The following NCALD variants were observed in gnomAD, a reference collection of about 807,000 sequenced individuals.
NCALD encodes neurocalcin delta.
Under a neutral mutation model 18.6 loss-of-function variants are expected in NCALD, and 10 were observed. That is an observed-to-expected ratio of 0.54 (90% confidence interval 0.33 to 0.91). The LOEUF (loss-of-function observed/expected upper bound fraction) is 0.91, where lower values mean the gene tolerates loss of function less well. NCALD is among the 40% of genes least tolerant of loss of function. NCALD has a pLI of 0.03. For synonymous variants in NCALD, 88 were observed against 87.4 expected, an observed-to-expected ratio of 1.01 and a Z score of -0.04; for missense variants, 184 against 247.6, an observed-to-expected ratio of 0.74 and a Z score of 1.72.
At chr8:102,030,127 G>C (rs1037040386) in intron 1 of NCALD, among the ~76,000 whole-genome samples, 1 of 152,158 alleles carries the variant, frequency 6.6e-6, no homozygotes, top group Admixed American at 6.5e-5. Context: ...GGAAGCCAGC[G>C]TTCTGGTCTC....
At chr8:101,796,237 C>A (rs998782443) in intron 4 of NCALD, among the ~76,000 whole-genome samples, 3 of 152,280 alleles carry the variant, frequency 2.0e-5, no homozygotes, top group East Asian at 1.9e-4. Flanking sequence ...AATCGACCCT[C>A]TTTAAAGGAA....
At chr8:101,864,628 T>C (rs1238014800) in intron 4 of NCALD, among the ~76,000 whole-genome samples, 1 of 149,614 alleles carries the variant, frequency 6.7e-6, no homozygotes, top group African/African-American at 2.5e-5. Context: ...GAGTTTCCCT[T>C]TTCTTGCCCA....
rs184742872 is a variant in NCALD, at chr8:101,886,007, T to C, written c.-20+1134A>G. On this transcript the variant is annotated intron_variant, in intron 4 of 6. Transcript: ENST00000311028. ...TCCCAGACTGCCTGATCATTACTAGTTACAATGCACAATTCTATCTTGGCC... is the reference window on the plus strand; with the variant it reads ...TCCCAGACTGCCTGATCATTACTAGCTACAATGCACAATTCTATCTTGGCC... Among the ~76,000 whole-genome samples the C allele has an allele frequency of 2.4e-3, 367 of 152,328 alleles. 5 individuals are homozygous for C. Among genetic ancestry groups the C allele is most frequent in the Admixed American group, 8.9e-3 (136 of 15,300 alleles).
chr8:102,109,932 G>A (rs1169389307), intron 1 of NCALD, among the ~76,000 whole-genome samples: 2 of 152,090 alleles, frequency 1.3e-5, no homozygotes, highest in Non-Finnish European at 1.5e-5. Context: ...TAGTTATGTA[G>A]TCATATTTAT....
At chr8:101,966,959 A>T (rs1563940490) in intron 2 of NCALD, among the ~76,000 whole-genome samples, 2 of 152,214 alleles carry the variant, frequency 1.3e-5, no homozygotes, top group Non-Finnish European at 2.9e-5. Context: ...ATGGGGAACA[A>T]ATTAGGATAT....
chr8:101,784,050 A>G (rs1812121815), intron 1 of NCALD, among the ~76,000 whole-genome samples: 1 of 152,172 alleles, frequency 6.6e-6, no homozygotes, highest in Admixed American at 6.5e-5. Flanking sequence ...TTACGGGCTT[A>G]AAACAGTAAC....
At chr8:101,930,386 T>C (rs1237255965) in intron 2 of NCALD, among the ~76,000 whole-genome samples, 2 of 152,038 alleles carry the variant, frequency 1.3e-5, no homozygotes, top group African/African-American at 2.4e-5. Context: ...TAAGGGTAAG[T>C]CCTACAGGAA....
intron 1 of NCALD, among the ~76,000 whole-genome samples, chr8:102,039,536 G>A (rs550306255): frequency 8.5e-5 from 13 of 152,220 alleles, no homozygotes; most frequent in Non-Finnish European, 1.5e-4. Flanking sequence ...ATATGATAGA[G>A]CTTGGGAAGT....
At chr8:101,969,206 A>T (rs1820145630) in intron 2 of NCALD, among the ~76,000 whole-genome samples, 1 of 152,208 alleles carries the variant, frequency 6.6e-6, no homozygotes, top group African/African-American at 2.4e-5. Flanking sequence ...TTAATTCAAA[A>T]AAATACGGTA....
chr8:101,736,011 C>T (rs1809892933), intron 1 of NCALD, among the ~76,000 whole-genome samples: 2 of 152,174 alleles, frequency 1.3e-5, no homozygotes, highest in Admixed American at 1.3e-4. Context: ...CTCCTTGTGC[C>T]CTACACATCT....
intron 2 of NCALD, among the ~76,000 whole-genome samples, chr8:101,702,132 A>G (rs1254284351): frequency 6.6e-6 from 1 of 152,148 alleles, no homozygotes; most frequent in African/African-American, 2.4e-5. Flanking sequence ...GTAAGATTTT[A>G]CTCAGAAAAC....
chr8:101,842,914 T>C (rs531280408), intron 4 of NCALD, among the ~76,000 whole-genome samples: 21 of 151,876 alleles, frequency 1.4e-4, no homozygotes, highest in Non-Finnish European at 2.8e-4. Flanking sequence ...TAGGAGGTGG[T>C]TGGGGGGAAG....
At chr8:102,006,689 G>C (rs1300781196) in intron 2 of NCALD, among the ~76,000 whole-genome samples, 1 of 152,164 alleles carries the variant, frequency 6.6e-6, no homozygotes, top group African/African-American at 2.4e-5. Context: ...TTCTCCAATG[G>C]CACATCTCTT....
At chr8:101,808,635 C>T (rs2131126897) in intron 4 of NCALD, among the ~76,000 whole-genome samples, 1 of 152,286 alleles carries the variant, frequency 6.6e-6, no homozygotes, top group Non-Finnish European at 1.5e-5. Flanking sequence ...CCAGAATTTT[C>T]CTTAAAAACA....
At chr8:102,077,416 G>A (rs1480890061) in intron 1 of NCALD, among the ~76,000 whole-genome samples, 1 of 151,560 alleles carries the variant, frequency 6.6e-6, no homozygotes, top group Non-Finnish European at 1.5e-5. Flanking sequence ...AAGAAATCCT[G>A]ATACTGGTGG....
At chr8:101,956,674 A>C (rs1819639647) in intron 2 of NCALD, among the ~76,000 whole-genome samples, 1 of 152,156 alleles carries the variant, frequency 6.6e-6, no homozygotes, top group Non-Finnish European at 1.5e-5. Context: ...CTGGACCATT[A>C]AATAATGCCT....
chr8:101,870,309 C>T (rs1815951944), intron 4 of NCALD, among the ~76,000 whole-genome samples: 1 of 152,080 alleles, frequency 6.6e-6, no homozygotes, highest in African/African-American at 2.4e-5. Flanking sequence ...GAACAAATAC[C>T]TAATAAGAAA....
intron 2 of NCALD, among the ~76,000 whole-genome samples, chr8:102,015,505 C>A (rs1001463801): frequency 3.3e-5 from 5 of 152,018 alleles, no homozygotes; most frequent in Admixed American, 6.6e-5. Context: ...TATTTACAAC[C>A]AAAATTTTCC....
At chr8:101,730,538 T>C (rs1455790327) in intron 1 of NCALD, among the ~76,000 whole-genome samples, 1 of 142,004 alleles carries the variant, frequency 7.0e-6, no homozygotes, top group Non-Finnish European at 1.5e-5. Context: ...GTTATACATA[T>C]AGATGTAGCT....
Sources: allele counts gnomAD v4.1 joint callset (sites outside exome capture counted in the v4.1 genomes callset), GRCh38; gene constraint gnomAD v4.1.1; transcripts MANE v1.5; gene names NCBI Gene and HGNC (gene_info 2026-07-23, HGNC 2026-07-21).